Variants in KCNB2 observed in about 807,000 individuals in gnomAD.
KCNB2 encodes potassium voltage-gated channel subfamily B member 2, also known as delayed rectifier potassium channel protein.
KCNB2 carries 15 observed loss-of-function variants against 61.5 expected under a neutral mutation model. The observed-to-expected ratio is 0.24, with a 90% confidence interval of 0.16 to 0.38. The LOEUF (loss-of-function observed/expected upper bound fraction) is 0.38, where lower values mean the gene tolerates loss of function less well. Ranked by LOEUF, KCNB2 falls within the 10% of genes least tolerant of loss-of-function variation. KCNB2 has a pLI of 1.00. For missense variants in KCNB2, 828 were observed against 1,125.2 expected (o/e 0.74, Z 3.78); for synonymous variants, 457 against 446.0 (o/e 1.02, Z -0.31).
intron 2 of KCNB2, among the ~76,000 whole-genome samples, chr8:72,662,093 T>C (rs931560246): frequency 2.0e-5 from 3 of 152,164 alleles, no homozygotes; most frequent in Admixed American, 6.5e-5. Flanking sequence ...TTGCTTAAAG[T>C]AAACTTCCAA....
chr8:72,605,414 G>C (rs1156513057), intron 2 of KCNB2, among the ~76,000 whole-genome samples: 3 of 152,130 alleles, frequency 2.0e-5, no homozygotes, highest in Non-Finnish European at 4.4e-5. Context: ...CTACCAGTCT[G>C]AGACATGAAG....
intron 2 of KCNB2, among the ~76,000 whole-genome samples, chr8:72,864,129 C>G (rs1805469295): frequency 6.6e-6 from 1 of 152,190 alleles, no homozygotes; most frequent in African/African-American, 2.4e-5. Flanking sequence ...GTTGTCTCAA[C>G]TGATTCCCTA....
At position 72,630,457 on chromosome 8, in the gene KCNB2, C is replaced by T. The variant is rs188491491; in HGVS notation, c.579+62144C>T. On this transcript the variant is annotated intron_variant, in intron 2 of 2. Coordinates refer to ENST00000523207, the MANE Select transcript of KCNB2 (RefSeq NM_004770.3). Reference sequence around the variant, plus strand: ...TTTAGTACAATTTATATTTTATTTTCGTATTTGGTGCATGTTGATCAAAGT... The same window carrying T: ...TTTAGTACAATTTATATTTTATTTTTGTATTTGGTGCATGTTGATCAAAGT... Among the ~76,000 whole-genome samples, 766 of 152,140 alleles carry T rather than the reference C, an allele frequency of 5.0e-3. 7 individuals carry two copies. Among genetic ancestry groups the T allele is most frequent in the African/African-American group, 0.018 (733 of 41,508 alleles).
chr8:72,836,744 CTATAAAAAA>C (rs1332257483), intron 2 of KCNB2, among the ~76,000 whole-genome samples: 2 of 152,062 alleles, frequency 1.3e-5, no homozygotes, highest in Admixed American at 1.3e-4. Flanking sequence ...GACCCTGTCT[CTATAAAAAA>C]TATAAAAAAT....
At chr8:72,701,158 C>T (rs1807118165) in intron 2 of KCNB2, among the ~76,000 whole-genome samples, 1 of 151,994 alleles carries the variant, frequency 6.6e-6, no homozygotes, top group Admixed American at 6.6e-5. Context: ...TCAGTCGTAC[C>T]CAAGTCTTAG....
chr8:72,574,068 A>G (rs1164849849), intron 2 of KCNB2, among the ~76,000 whole-genome samples: 1 of 152,252 alleles, frequency 6.6e-6, no homozygotes, highest in African/African-American at 2.4e-5. Flanking sequence ...TTCCTTTCTT[A>G]AAATGTATCA....
At chr8:72,641,107 G>T (rs1806048474) in intron 2 of KCNB2, among the ~76,000 whole-genome samples, 1 of 151,982 alleles carries the variant, frequency 6.6e-6, no homozygotes, top group Non-Finnish European at 1.5e-5. Flanking sequence ...TATAATTATG[G>T]CATTGATGAA....
intron 2 of KCNB2, among the ~76,000 whole-genome samples, chr8:72,591,569 G>A (rs945415021): frequency 3.3e-5 from 5 of 152,090 alleles, no homozygotes; most frequent in Non-Finnish European, 7.4e-5. Context: ...TGTAGAAAAA[G>A]TCAAGAGTTA....
chr8:72,875,538 C>CTTTTTTT (rs1202722527), intron 2 of KCNB2, among the ~76,000 whole-genome samples: 1 of 7,650 alleles, frequency 1.3e-4, no homozygotes, highest in East Asian at 9.7e-4. Context: ...CATTGCAAAT[C>CTTTTTTT]TTTTTTTTTT....
chr8:72,839,889 A>C (rs1487652477), intron 2 of KCNB2, among the ~76,000 whole-genome samples: 1 of 150,968 alleles, frequency 6.6e-6, no homozygotes, highest in East Asian at 2.0e-4. Flanking sequence ...CTGGGATTAC[A>C]GGCGTGAGCC....
Position 72,936,675 on chromosome 8 carries a change from T to G in KCNB2, c.1320T>G (p.Leu440=), listed in dbSNP as rs1219855726. ...QEKAIKRREA[L]ERAKRNGSIV... is the part of the protein sequence containing the mutation. The stretch of plus-strand genomic sequence containing the variant: ...AAGCAATTAAAAGGAGGGAGGCTCT[T>G]GAGCGGGCCAAAAGGAACGGAAGCA... The change falls in exon 3 of 3, where the codon CTT becomes CTG. Residue 440 remains leucine, a synonymous_variant. Transcript: ENST00000523207. This position sits in a 1 kb window ranked among gnomAD's most constrained non-coding sequence, Gnocchi z 5.6. 1 of 1,614,090 alleles carries G rather than the reference T, an allele frequency of 6.2e-7. No homozygotes were observed. The highest frequency in any genetic ancestry group is 8.5e-7 in the Non-Finnish European group (1 of 1,180,034).
intron 2 of KCNB2, among the ~76,000 whole-genome samples, chr8:72,731,058 A>G (rs769094993): frequency 6.6e-6 from 1 of 152,116 alleles, no homozygotes; most frequent in Non-Finnish European, 1.5e-5. Context: ...TGGATGTGAG[A>G]TGTGGATCCT....
chr8:72,929,562 T>G lies in KCNB2; in HGVS notation c.580-6373T>G, dbSNP rs533472630. On this transcript the variant is annotated intron_variant, in intron 2 of 2. Coordinates refer to ENST00000523207, the MANE Select transcript of KCNB2 (RefSeq NM_004770.3). ...TACTCATTATGTAACAAAAATTTACTTTGGACGTTCAACTAAAATGACATC... is the reference window on the plus strand; with the variant it reads ...TACTCATTATGTAACAAAAATTTACGTTGGACGTTCAACTAAAATGACATC... 1.1e-4 allele frequency among the ~76,000 whole-genome samples: 17 copies of G among 152,330 alleles called. No individual in the cohort carries two copies. The East Asian group carries it at 3.3e-3, about 29-fold the overall frequency.
chr8:72,654,963 T>A (rs1806267274), intron 2 of KCNB2, among the ~76,000 whole-genome samples: 1 of 152,112 alleles, frequency 6.6e-6, no homozygotes, highest in African/African-American at 2.4e-5. Context: ...CCCAAAGGAA[T>A]ATGAATCATT....
At chr8:72,577,774 G>A (rs947198873) in intron 2 of KCNB2, among the ~76,000 whole-genome samples, 2 of 152,132 alleles carry the variant, frequency 1.3e-5, no homozygotes, top group South Asian at 4.1e-4. Context: ...CTCCAGATGG[G>A]TTTGCTTGGT....
At chr8:72,678,237 C>G (rs973762569) in intron 2 of KCNB2, among the ~76,000 whole-genome samples, 1 of 152,216 alleles carries the variant, frequency 6.6e-6, no homozygotes, top group East Asian at 1.9e-4. Context: ...ATTGCAAGAT[C>G]ATCCTAACTG....
At chr8:72,820,109 A>G (rs1252057727) in intron 2 of KCNB2, among the ~76,000 whole-genome samples, 1 of 152,094 alleles carries the variant, frequency 6.6e-6, no homozygotes, top group East Asian at 1.9e-4. Context: ...CTCCTCCAGA[A>G]AGTACCCTCA....
At chr8:72,598,691 T>C (rs1807239039) in intron 2 of KCNB2, among the ~76,000 whole-genome samples, 1 of 152,160 alleles carries the variant, frequency 6.6e-6, no homozygotes, top group Non-Finnish European at 1.5e-5. Context: ...TGATTGTATA[T>C]CTAGAAAATC....
chr8:72,763,470 T>C (rs1808417219), intron 2 of KCNB2, among the ~76,000 whole-genome samples: 1 of 152,220 alleles, frequency 6.6e-6, no homozygotes, highest in Non-Finnish European at 1.5e-5. Flanking sequence ...GGACAGATGC[T>C]GGATCCTCTA....
Sources: allele counts gnomAD v4.1 joint callset (sites outside exome capture counted in the v4.1 genomes callset), GRCh38; gene constraint gnomAD v4.1.1; non-coding constraint Gnocchi (gnomAD v3.1); transcripts MANE v1.5; gene names NCBI Gene and HGNC (gene_info 2026-07-23, HGNC 2026-07-21).